The following ZFAND6 variants were observed in gnomAD, a reference collection of about 807,000 sequenced individuals.
ZFAND6 encodes zinc finger AN1-type containing 6.
A neutral mutation model predicts 24.5 loss-of-function variants in ZFAND6; 12 were observed. The observed-to-expected ratio is 0.49, with a 90% CI of 0.31 to 0.79. The LOEUF (loss-of-function observed/expected upper bound fraction) is 0.79, where lower values mean the gene tolerates loss of function less well. Ranked by LOEUF, ZFAND6 falls within the 30% of genes least tolerant of loss-of-function variation. The pLI is 0.04. For missense variants in ZFAND6, 207 were observed against 245.9 expected, an observed-to-expected ratio of 0.84 and a Z score of 1.06; for synonymous variants, 92 against 81.5, an observed-to-expected ratio of 1.13 and a Z score of -0.69.
chr15:80,101,679 T>C (rs1596265537), intron 2 of ZFAND6, among the ~76,000 whole-genome samples: 1 of 152,086 alleles, frequency 6.6e-6, no homozygotes, highest in South Asian at 2.1e-4. Context: ...CATGAAAGAT[T>C]GGTTCTTGTA....
intron 3 of ZFAND6, among the ~76,000 whole-genome samples, chr15:80,121,116 A>C (rs1170606390): frequency 6.6e-6 from 1 of 152,178 alleles, no homozygotes; most frequent in Non-Finnish European, 1.5e-5. Context: ...TTTAGGATAG[A>C]TCTCATGTAG....
At chr15:80,125,496 A>T (rs2040337034) in intron 5 of ZFAND6, among the ~76,000 whole-genome samples, 1 of 152,238 alleles carries the variant, frequency 6.6e-6, no homozygotes. Flanking sequence ...TGCTGCCACC[A>T]GGTTGGTGGT....
At chr15:80,108,947 T>C (rs773904029) in intron 2 of ZFAND6, among the ~76,000 whole-genome samples, 2 of 152,060 alleles carry the variant, frequency 1.3e-5, no homozygotes, top group Admixed American at 6.6e-5. Flanking sequence ...AGGCTGGTCT[T>C]GAACTCCTGA....
At chr15:80,125,895 A>C (rs1318404123) in intron 5 of ZFAND6, among the ~76,000 whole-genome samples, 1 of 152,218 alleles carries the variant, frequency 6.6e-6, no homozygotes, top group East Asian at 1.9e-4. Flanking sequence ...TGTCCCTCTT[A>C]CAGGGTATTA....
At chr15:80,083,129 C>G (rs1390132999) in intron 1 of ZFAND6, among the ~76,000 whole-genome samples, 1 of 152,066 alleles carries the variant, frequency 6.6e-6, no homozygotes, top group African/African-American at 2.4e-5. Flanking sequence ...GTAGCTGGGA[C>G]TACAGGCACC....
At chr15:80,060,497 G>C (rs1462024762) in intron 1 of ZFAND6, 1 of 152,156 alleles carries the variant, frequency 6.6e-6, no homozygotes, top group East Asian at 1.9e-4. Flanking sequence ...TTTAAGTCAC[G>C]TGCTAACTAT....
chr15:80,124,387 G>T (rs1395361523), intron 5 of ZFAND6, among the ~76,000 whole-genome samples: 1 of 151,268 alleles, frequency 6.6e-6, no homozygotes, highest in Non-Finnish European at 1.5e-5. Flanking sequence ...GAGCCGAGAT[G>T]GCGCCACTGC....
At chr15:80,122,042 T>G (rs1302712186) in intron 4 of ZFAND6, among the ~76,000 whole-genome samples, 1 of 152,204 alleles carries the variant, frequency 6.6e-6, no homozygotes, top group Non-Finnish European at 1.5e-5. Context: ...AGGCATCTTT[T>G]TCTTTCTCAT....
chr15:80,102,219 C>T (rs2039074813), intron 2 of ZFAND6, among the ~76,000 whole-genome samples: 1 of 151,994 alleles, frequency 6.6e-6, no homozygotes, highest in Non-Finnish European at 1.5e-5. Flanking sequence ...GCATGATTCT[C>T]CTGCCTCACC....
chr15:80,125,773 G>GT (rs2040346134), intron 5 of ZFAND6, among the ~76,000 whole-genome samples: 1 of 152,124 alleles, frequency 6.6e-6, no homozygotes, highest in South Asian at 2.1e-4. Flanking sequence ...CAGATCTTGG[G>GT]TCATAGTAGA....
chr15:80,103,827 G>A (rs1424953828), intron 2 of ZFAND6, among the ~76,000 whole-genome samples: 1 of 152,100 alleles, frequency 6.6e-6, no homozygotes, highest in Non-Finnish European at 1.5e-5. Context: ...TAAATGATAA[G>A]CCTGAATGAT....
chr15:80,061,883 T>C (rs2036353486), intron 1 of ZFAND6, among the ~76,000 whole-genome samples: 1 of 152,174 alleles, frequency 6.6e-6, no homozygotes, highest in Non-Finnish European at 1.5e-5. Flanking sequence ...ATAAGATGAA[T>C]GAAAAACATT....
chr15:80,061,784 A>G (rs1356081599), intron 1 of ZFAND6, among the ~76,000 whole-genome samples: 1 of 152,194 alleles, frequency 6.6e-6, no homozygotes, highest in African/African-American at 2.4e-5. Context: ...GTACACAAGT[A>G]CAAGAATTTC....
intron 1 of ZFAND6, among the ~76,000 whole-genome samples, chr15:80,077,200 G>C (rs1473147679): frequency 6.6e-6 from 1 of 152,170 alleles, no homozygotes; most frequent in Admixed American, 6.5e-5. Flanking sequence ...TGCTCATTCT[G>C]CATCCGGGTG....
rs138189094 is a variant in ZFAND6, at chr15:80,070,792, T to C, written c.-181+10983T>C. On this transcript the variant is annotated intron_variant, in intron 1 of 6. Coordinates refer to ENST00000261749, the MANE Select transcript of ZFAND6 (RefSeq NM_019006.4). ...CTTGCCAGATTTTAAGATTAAACTG[T>C]TTGCCATCTCTTTTTTTTTTCTTCC... Among the ~76,000 whole-genome samples the C allele has an allele frequency of 5.1e-3, 782 of 152,372 alleles. 1 individual carries two copies. The highest frequency in any genetic ancestry group is 7.8e-3 in the Non-Finnish European group (529 of 68,030).
At chr15:80,116,685 C>T (rs2039890591) in intron 2 of ZFAND6, among the ~76,000 whole-genome samples, 1 of 152,148 alleles carries the variant, frequency 6.6e-6, no homozygotes, top group Admixed American at 6.5e-5. Flanking sequence ...AGGATAGTTG[C>T]AGTGTGAAAT....
At chr15:80,092,709 A>AC (rs752973910) in intron 1 of ZFAND6, among the ~76,000 whole-genome samples, 22 of 152,080 alleles carry the variant, frequency 1.4e-4, no homozygotes, top group Non-Finnish European at 2.6e-4. Context: ...GGAATGTTTT[A>AC]CCTTGGCAAC....
chr15:80,080,607 A>G (rs1006626496), intron 1 of ZFAND6, among the ~76,000 whole-genome samples: 1 of 152,218 alleles, frequency 6.6e-6, no homozygotes. Flanking sequence ...ACAGCCGACA[A>G]TGAAATCTTG....
intron 1 of ZFAND6, among the ~76,000 whole-genome samples, chr15:80,076,504 G>T (rs185058613): frequency 6.6e-6 from 1 of 151,902 alleles, no homozygotes; most frequent in Non-Finnish European, 1.5e-5. Context: ...TTTACTGTGC[G>T]GTCATATCTG....
Sources: gnomAD v4.1 joint callset for allele counts (sites outside exome capture counted in the v4.1 genomes callset) on GRCh38, gnomAD v4.1.1 for gene constraint, MANE v1.5 for transcripts, NCBI Gene and HGNC (gene_info 2026-07-23, HGNC 2026-07-21) for gene names.